Variants in TENM2 observed in about 807,000 individuals in gnomAD.
The protein encoded by TENM2 is teneurin transmembrane protein 2, also known as teneurin-2.
A neutral mutation model predicts 245.2 loss-of-function variants in TENM2; 52 were observed. The ratio of observed to expected loss-of-function variants is 0.21; its 90% CI spans 0.17 to 0.27. The LOEUF is 0.27. Among genes scored for constraint, TENM2 ranks in the 10% least tolerant of loss-of-function variants. TENM2 has a pLI of 1.00. For synonymous variants in TENM2, 1,363 were observed against 1,438.9 expected (o/e 0.95, Z 1.19); for missense variants, 3,046 against 3,666.8 (o/e 0.83, Z 4.37).
intron 6 of TENM2, among the ~76,000 whole-genome samples, chr5:168,056,431 G>C (rs1445866046): frequency 6.6e-6 from 1 of 151,928 alleles, no homozygotes; most frequent in Non-Finnish European, 1.5e-5. Context: ...TCTAACAATT[G>C]ACAAATTTGA....
At chr5:167,234,840 C>T in the TENM2 span, among the ~76,000 whole-genome samples, 1 of 152,124 alleles carries the variant, frequency 6.6e-6, no homozygotes, top group Admixed American at 6.6e-5. Context: ...ATCCCCCTTC[C>T]ATTTTTTATA....
chr5:168,081,852 C>T (rs1443794521), intron 7 of TENM2, among the ~76,000 whole-genome samples: 1 of 152,166 alleles, frequency 6.6e-6, no homozygotes, highest in African/African-American at 2.4e-5. Flanking sequence ...TTCTCTCTGG[C>T]TGCCCTTAAT....
At chr5:167,864,089 A>G (rs568950466) in intron 2 of TENM2, among the ~76,000 whole-genome samples, 94 of 152,280 alleles carry the variant, frequency 6.2e-4, no homozygotes, top group African/African-American at 2.1e-3. Context: ...GGACCATTCA[A>G]TGAGGAACGG....
Position 167,755,114 on chromosome 5 carries a change from C to T in TENM2, c.503-120872C>T, listed in dbSNP as rs776296157. On this transcript the variant is annotated intron_variant, in intron 2 of 28. Transcript: ENST00000518659. Reference sequence around the variant, plus strand: ...TGGCACAATTGAATGCAAGCCAGATCATCTCTTATGGAGACCCGGCAGTAC... The same window carrying T: ...TGGCACAATTGAATGCAAGCCAGATTATCTCTTATGGAGACCCGGCAGTAC... 4 of 1,599,094 alleles carry T rather than the reference C, an allele frequency of 2.5e-6. 1 individual carries two copies. In the South Asian group the frequency reaches 4.4e-5, roughly 18 times the overall value.
At chr5:167,993,716 G>A (rs371293751) in intron 5 of TENM2, among the ~76,000 whole-genome samples, 5 of 152,270 alleles carry the variant, frequency 3.3e-5, no homozygotes, top group East Asian at 1.9e-4. Flanking sequence ...ATACAGAATC[G>A]AATTAGCCAG....
the TENM2 span, among the ~76,000 whole-genome samples, chr5:167,152,651 C>T: frequency 4.6e-4 from 70 of 152,200 alleles, 1 homozygote; most frequent in Middle Eastern, 0.01. Context: ...CTTGAAACCT[C>T]GGATAGTGCT....
the TENM2 span, among the ~76,000 whole-genome samples, chr5:167,092,582 C>T: frequency 2.7e-4 from 41 of 152,260 alleles, no homozygotes; most frequent in Admixed American, 5.9e-4. Flanking sequence ...GATCATCTCC[C>T]TAAATTTTCG....
At chr5:167,590,672 G>A (rs1302058710) in intron 2 of TENM2, among the ~76,000 whole-genome samples, 1 of 152,016 alleles carries the variant, frequency 6.6e-6, no homozygotes, top group Non-Finnish European at 1.5e-5. Flanking sequence ...TGCCTCAGTA[G>A]TATTTTTTTC....
At chr5:167,590,566 T>A (rs1362480502) in intron 2 of TENM2, among the ~76,000 whole-genome samples, 1 of 152,082 alleles carries the variant, frequency 6.6e-6, no homozygotes, top group Non-Finnish European at 1.5e-5. Context: ...CCACTCCTTT[T>A]TATTTTTTTT....
intron 15 of TENM2, among the ~76,000 whole-genome samples, chr5:168,197,097 C>G (rs558028696): frequency 4.1e-4 from 62 of 152,334 alleles, no homozygotes; most frequent in African/African-American, 1.4e-3. Context: ...AATTTTACTT[C>G]AAGACATTTG....
chr5:168,185,915 CATATATATATATATATATATATATATAT>C (rs200942772), intron 13 of TENM2, among the ~76,000 whole-genome samples: 1,195 of 73,862 alleles, frequency 0.016, 30 homozygotes, highest in African/African-American at 0.048. Flanking sequence ...ACCAGACTGA[CATATATATATATATATATATATATATAT>C]ATATATATAT....
chr5:167,210,048 T>G, the TENM2 span, among the ~76,000 whole-genome samples: 2 of 152,352 alleles, frequency 1.3e-5, no homozygotes, highest in African/African-American at 4.8e-5. Context: ...CAGGATAGAT[T>G]CAAATAGAAT....
chr5:167,604,591 T>C lies in TENM2; in HGVS notation c.502+229118T>C, dbSNP rs376907823. 1.7e-3 allele frequency among the ~76,000 whole-genome samples: 260 copies of C among 152,322 alleles called. 12 individuals are homozygous for C. The South Asian group carries it at 0.052, about 30-fold the overall frequency. On this transcript the variant is annotated intron_variant, in intron 2 of 28. Transcript: ENST00000518659. ...ATTAGGGTTTCTATAAGACTTCTCA[T>C]TTAAAAATTCCCTACTATTTTCTCT... is the stretch of plus-strand genomic sequence containing the variant.
intron 3 of TENM2, among the ~76,000 whole-genome samples, chr5:167,932,606 G>C (rs1345189859): frequency 6.6e-6 from 1 of 152,064 alleles, no homozygotes; most frequent in Admixed American, 6.5e-5. Context: ...AGGAGACCCT[G>C]TTGAATTAAT....
intron 10 of TENM2, among the ~76,000 whole-genome samples, chr5:168,121,647 AG>A (rs1248791491): frequency 1.3e-5 from 2 of 152,208 alleles, no homozygotes; most frequent in African/African-American, 4.8e-5. Context: ...TTTATCTGGA[AG>A]AAAAATGCCA....
intron 15 of TENM2, among the ~76,000 whole-genome samples, chr5:168,196,870 C>T (rs1761474926): frequency 1.3e-5 from 2 of 152,202 alleles, no homozygotes; most frequent in South Asian, 4.1e-4. Context: ...CTTTCTTCTG[C>T]ATCCCTCTCC....
chr5:167,075,829 A>G, the TENM2 span, among the ~76,000 whole-genome samples: 3 of 152,312 alleles, frequency 2.0e-5, no homozygotes, highest in Admixed American at 6.5e-5. Flanking sequence ...CCTGTTTTCA[A>G]GAAATACCCA....
the TENM2 span, among the ~76,000 whole-genome samples, chr5:167,136,996 A>G: frequency 6.6e-6 from 1 of 152,206 alleles, no homozygotes; most frequent in African/African-American, 2.4e-5. Context: ...GTGCTGGCAG[A>G]TTGGATTCCC....
chr5:167,057,108 A>G, the TENM2 span, among the ~76,000 whole-genome samples: 3 of 152,164 alleles, frequency 2.0e-5, no homozygotes, highest in Non-Finnish European at 4.4e-5. Context: ...AGCTGTGTCC[A>G]GTCTACTAAT....
Sources: allele counts gnomAD v4.1 joint callset (sites outside exome capture counted in the v4.1 genomes callset), GRCh38; gene constraint gnomAD v4.1.1; transcripts MANE v1.5; gene names NCBI Gene and HGNC (gene_info 2026-07-23, HGNC 2026-07-21).